The following ADCY9 variants were observed in gnomAD, a reference collection of about 807,000 sequenced individuals.
The protein encoded by ADCY9 is adenylate cyclase 9, also known as adenylate cyclase type 9.
Under a neutral mutation model 101.5 loss-of-function variants are expected in ADCY9, and 50 were observed. The ratio of observed to expected loss-of-function variants is 0.49; its 90% CI spans 0.39 to 0.62. ADCY9 has a LOEUF of 0.62. Ranked by LOEUF, ADCY9 falls within the 20% of genes least tolerant of loss-of-function variation. ADCY9 has a pLI of 0.00. For synonymous variants in ADCY9, 905 were observed against 769.3 expected, an observed-to-expected ratio of 1.18 and a Z score of -2.92; for missense variants, 1,662 against 1,800.4, an observed-to-expected ratio of 0.92 and a Z score of 1.39.
intron 3 of ADCY9, among the ~76,000 whole-genome samples, chr16:4,006,767 C>T (rs1022506120): frequency 2.6e-5 from 4 of 152,130 alleles, no homozygotes; most frequent in South Asian, 2.1e-4. Flanking sequence ...CACCCAAGGT[C>T]GACCGCGCCA....
intron 5 of ADCY9, among the ~76,000 whole-genome samples, chr16:3,954,606 G>A (rs1203363928): frequency 6.6e-6 from 1 of 152,218 alleles, no homozygotes; most frequent in Non-Finnish European, 1.5e-5. Flanking sequence ...CGTCAGAAAC[G>A]GAACACGAGG....
chr16:4,036,462 GTT>G lies in ADCY9; in HGVS notation c.1694-28906_1694-28905del, dbSNP rs59816813. Among the ~76,000 whole-genome samples the G allele has an allele frequency of 6.5e-3, 670 of 103,648 alleles. 7 individuals are homozygous for G. The highest frequency in any genetic ancestry group is 0.025 in the African/African-American group (641 of 25,348). 68.0% of individuals were successfully genotyped at this position (103,648 alleles called of 152,430 possible). On this transcript the variant is annotated intron_variant, in intron 2 of 10. Coordinates refer to ENST00000294016, the MANE Select transcript of ADCY9 (RefSeq NM_001116.4). ...TACATTTTGGTTTTGGGGTTTGTTT[GTT>G]TTTTTTTTTTTTTTTTTTGAGACAA... is the stretch of plus-strand genomic sequence containing the variant.
At position 4,116,082 on chromosome 16, in the gene ADCY9, G is replaced by A. The variant is rs1445586447; in HGVS notation, c.-436C>T. 6.9e-6 allele frequency: 1 copy of A among 145,762 alleles called. No individual in the cohort carries two copies. Among genetic ancestry groups the A allele is most frequent in the Admixed American group, 6.8e-5 (1 of 14,698 alleles). The allele number at this position is 145,762 out of a possible 1,614,324, so 9.0% of individuals were successfully genotyped here. A position where few individuals can be genotyped will look rare whatever the true frequency, so the allele number is the denominator to read the frequency against. On this transcript the variant is annotated 5_prime_UTR_variant, in exon 1 of 11. Coordinates refer to ENST00000294016, the MANE Select transcript of ADCY9 (RefSeq NM_001116.4). ...GCCCTGCCCGCGGCGGCGGGCGCTG[G>A]GGGTGGGGGCGCCCCGGGCTGCGAG...
At chr16:3,990,290 C>A (rs768883197) in intron 5 of ADCY9, among the ~76,000 whole-genome samples, 24 of 151,976 alleles carry the variant, frequency 1.6e-4, no homozygotes, top group Admixed American at 2.6e-4. Context: ...ACATGGTGAA[C>A]CCCCGTTTCT....
At chr16:4,018,951 T>TTGTGTGTTTGTGTGTGTGTG (rs1555509532) in intron 2 of ADCY9, among the ~76,000 whole-genome samples, 1 of 138,834 alleles carries the variant, frequency 7.2e-6, no homozygotes, top group Non-Finnish European at 1.6e-5. Flanking sequence ...AGAATCGCAG[T>TTGTGTGTTTGTGTGTGTGTG]TGTGTGTGTG....
At chr16:4,006,785 G>C (rs1192190498) in intron 3 of ADCY9, among the ~76,000 whole-genome samples, 1 of 152,104 alleles carries the variant, frequency 6.6e-6, no homozygotes, top group Non-Finnish European at 1.5e-5. Context: ...CCAATTCCCT[G>C]GTAGTTTATG....
At chr16:4,095,849 T>G (rs1567146188) in intron 2 of ADCY9, among the ~76,000 whole-genome samples, 1 of 151,816 alleles carries the variant, frequency 6.6e-6, no homozygotes, top group Non-Finnish European at 1.5e-5. Context: ...TGATGTTGCA[T>G]GACTATAGTC....
At chr16:4,027,652 A>G (rs188383929) in intron 2 of ADCY9, among the ~76,000 whole-genome samples, 4 of 150,958 alleles carry the variant, frequency 2.6e-5, no homozygotes, top group South Asian at 2.1e-4. Context: ...CGAGGTGGGC[A>G]TATCACCTGA....
chr16:4,051,013 G>C (rs1446486253), intron 2 of ADCY9, among the ~76,000 whole-genome samples: 2 of 151,492 alleles, frequency 1.3e-5, no homozygotes, highest in African/African-American at 2.4e-5. Flanking sequence ...ACAAGTTGGA[G>C]ATCAGCCTGG....
At chr16:3,967,494 G>A (rs905361839) in intron 10 of ADCY9, among the ~76,000 whole-genome samples, 2 of 151,780 alleles carry the variant, frequency 1.3e-5, no homozygotes, top group African/African-American at 4.8e-5. Flanking sequence ...GGGCTCAAAC[G>A]ATCCTCCTGC....
chr16:4,057,944 A>G (rs751067510), intron 2 of ADCY9, among the ~76,000 whole-genome samples: 1 of 152,148 alleles, frequency 6.6e-6, no homozygotes. Context: ...AGATCGCTTC[A>G]GGTCAAGAGT....
chr16:4,054,959 C>T (rs895569262), intron 2 of ADCY9, among the ~76,000 whole-genome samples: 2 of 152,182 alleles, frequency 1.3e-5, no homozygotes, highest in Admixed American at 6.5e-5. Context: ...GCGGGTTTTA[C>T]ATCAGTAGAT....
Position 4,007,513 on chromosome 16 carries a change from C to G in ADCY9, c.1739G>C (p.Arg580Pro). The change falls in exon 3 of 11, where the codon CGC (arginine) becomes CCC (proline). Residue 580 changes from arginine to proline, a missense_variant. Arg to Pro is a moderately radical substitution (Grantham distance 103, BLOSUM62 -2). Around this residue, in one of 5 missense-constraint regions of ADCY9, gnomAD observed 624 missense variants for 639.1 expected, o/e 0.98. Transcript: ENST00000294016. The stretch of plus-strand genomic sequence containing the variant: ...AAGCAAGGCCTCTGCACAGCTGCAG[C>G]GAGACTCCTTGGCTCTCTGACCCGA... ...LISGQRAKES[R>P]CSCAEALLSG... is the part of the protein sequence containing the mutation. The G allele has an allele frequency of 1.9e-6, 3 of 1,613,610 alleles. No homozygotes were observed. The highest frequency in any genetic ancestry group is 8.5e-7 in the Non-Finnish European group (1 of 1,179,874).
intron 3 of ADCY9, among the ~76,000 whole-genome samples, chr16:3,998,708 CAAAAAAA>C (rs1165056665): frequency 0.019 from 68 of 3,600 alleles, 1 homozygote; most frequent in African/African-American, 0.068. Flanking sequence ...AACTCTGTCT[CAAAAAAA>C]AAAAAAAAAA....
At chr16:4,108,230 C>T (rs964334861) in intron 2 of ADCY9, among the ~76,000 whole-genome samples, 2 of 152,174 alleles carry the variant, frequency 1.3e-5, no homozygotes, top group Non-Finnish European at 2.9e-5. Context: ...GCCAACAGCT[C>T]GAGATAACAC....
At chr16:4,064,122 C>G (rs1384593195) in intron 2 of ADCY9, among the ~76,000 whole-genome samples, 2 of 152,198 alleles carry the variant, frequency 1.3e-5, no homozygotes, top group Non-Finnish European at 1.5e-5. Context: ...AGGAAATCAA[C>G]TGTTTTGTGT....
At chr16:3,955,705 C>T (rs923961823) in intron 5 of ADCY9, among the ~76,000 whole-genome samples, 11 of 151,978 alleles carry the variant, frequency 7.2e-5, no homozygotes, top group South Asian at 6.2e-4. Flanking sequence ...CATGCCACCA[C>T]GCCCAGCTAA....
At chr16:4,014,817 T>A (rs2056427283) in intron 2 of ADCY9, among the ~76,000 whole-genome samples, 1 of 151,766 alleles carries the variant, frequency 6.6e-6, no homozygotes, top group Non-Finnish European at 1.5e-5. Context: ...CACCCCTGCT[T>A]CTAAACAGGT....
chr16:4,095,515 G>A (rs546279666), intron 2 of ADCY9, among the ~76,000 whole-genome samples: 1 of 152,230 alleles, frequency 6.6e-6, no homozygotes, highest in South Asian at 2.1e-4. Context: ...TCCTACGAGT[G>A]AAAAACTTGC....
Sources: gnomAD v4.1 joint callset for allele counts (sites outside exome capture counted in the v4.1 genomes callset) on GRCh38, gnomAD v4.1.1 for gene constraint, gnomAD v4.1.1 regional missense constraint, MANE v1.5 for transcripts, NCBI Gene and HGNC (gene_info 2026-07-23, HGNC 2026-07-21) for gene names.